Variants in ARHGAP29 observed in about 807,000 individuals in gnomAD.
ARHGAP29 encodes rho GTPase-activating protein 29.
Under a neutral mutation model 122.6 loss-of-function variants are expected in ARHGAP29, and 43 were observed. That is an observed-to-expected ratio of 0.35 (90% CI 0.27 to 0.45). The LOEUF is 0.45. ARHGAP29 is among the 20% of genes least tolerant of loss of function. The pLI is 1.00. For synonymous variants in ARHGAP29, 506 were observed against 497.1 expected (o/e 1.02, Z -0.24); for missense variants, 1,303 against 1,477.2 (o/e 0.88, Z 1.93).
chr1:94,168,924 A>C lies in ARHGAP29; in HGVS notation c.*4945T>G, dbSNP rs775469430. 2.6e-5 allele frequency among the ~76,000 whole-genome samples: 4 copies of C among 152,206 alleles called. No homozygotes were observed. The highest frequency in any genetic ancestry group is 5.9e-5 in the Non-Finnish European group (4 of 68,036). ...CAGAAGCATAGCCAATTAGTCGTTT[A>C]ATCTATTTTCTGAACTGCATGCTTA... On this transcript the variant is annotated 3_prime_UTR_variant, in exon 23 of 23. Coordinates refer to ENST00000260526, the MANE Select transcript of ARHGAP29 (RefSeq NM_004815.4).
At chr1:94,276,161 G>A (rs1453821364), upstream of ARHGAP29, among the ~76,000 whole-genome samples, 1 of 152,006 alleles carries the variant, frequency 6.6e-6, no homozygotes, top group Non-Finnish European at 1.5e-5. Context: ...GGGAAGATGA[G>A]GCACGAGAAT....
the ARHGAP29 span, among the ~76,000 whole-genome samples, chr1:94,305,919 T>C: frequency 6.6e-6 from 1 of 152,220 alleles, no homozygotes; most frequent in Non-Finnish European, 1.5e-5. Context: ...TGGCAGCTCT[T>C]GAAAAAGGCA....
chr1:94,207,850 GTTTC>G (rs1334963615), intron 5 of ARHGAP29, among the ~76,000 whole-genome samples: 17 of 149,290 alleles, frequency 1.1e-4, no homozygotes, highest in African/African-American at 3.7e-4. Flanking sequence ...TTTTGTTTTT[GTTTC>G]TTTGTGTTTT....
In ARHGAP29 at chr1:94,188,723, T is replaced by G. The variant is rs562703197; in HGVS notation, c.1681+114A>C. 7.2e-5 allele frequency: 62 copies of G among 858,312 alleles called. No homozygotes were observed. In the East Asian group the frequency reaches 1.6e-3, roughly 22 times the overall value. 53.2% of individuals were successfully genotyped at this position (858,312 alleles called of 1,614,324 possible). A position where few individuals can be genotyped will look rare whatever the true frequency, so the allele number is the denominator to read the frequency against. On this transcript the variant is annotated intron_variant, in intron 15 of 22. Transcript: ENST00000260526. ...AAAAACTATTTTTTAAATTGTACACTTTCCTCTCTATTATGTGTGAAAGTT... is the reference window on the plus strand; with the variant it reads ...AAAAACTATTTTTTAAATTGTACACGTTCCTCTCTATTATGTGTGAAAGTT...
At position 94,250,809 on chromosome 1, in the gene ARHGAP29, G is replaced by T. The variant is rs753072402; in HGVS notation, c.-32-19166C>A. Among the ~76,000 whole-genome samples the T allele has an allele frequency of 3.3e-5, 5 of 152,056 alleles. No homozygotes were observed. The South Asian group carries it at 8.3e-4, about 25-fold the overall frequency. ...CGTCCAAATTAAGTTACTACATTTCGAACTCCAATTTTTAATGTGTTTTAA... is the reference window on the plus strand; with the variant it reads ...CGTCCAAATTAAGTTACTACATTTCTAACTCCAATTTTTAATGTGTTTTAA... On this transcript the variant is annotated intron_variant and NMD_transcript_variant, in intron 1 of 25. Transcript: ENST00000552844.
chr1:94,247,678 G>A (rs972083864), intron 1 of ARHGAP29, among the ~76,000 whole-genome samples: 1 of 151,550 alleles, frequency 6.6e-6, no homozygotes, highest in Non-Finnish European at 1.5e-5. Context: ...GCAGACGCCC[G>A]GCCAAGTGGC....
chr1:94,169,877 C>G lies in ARHGAP29; in HGVS notation c.*3992G>C, dbSNP rs145622174. Reference sequence around the variant, plus strand: ...TTGAAGAGACTCCCAAAAACCAAATCGGGGAAAATTTCAGCATGAAAATAA... The same window carrying G: ...TTGAAGAGACTCCCAAAAACCAAATGGGGGAAAATTTCAGCATGAAAATAA... On this transcript the variant is annotated 3_prime_UTR_variant, in exon 23 of 23. Transcript: ENST00000260526. Among the ~76,000 whole-genome samples the G allele has an allele frequency of 6.6e-6, 1 of 152,044 alleles. No homozygotes were observed. Among genetic ancestry groups the G allele is most frequent in the Non-Finnish European group, 1.5e-5 (1 of 68,000 alleles).
At chr1:94,195,343 CAGT>C (rs1446249219) in intron 12 of ARHGAP29, 1 of 152,200 alleles carries the variant, frequency 6.6e-6, no homozygotes, top group African/African-American at 2.4e-5. Flanking sequence ...CAGTTTATGA[CAGT>C]GGTGCCAGGG....
intron 2 of ARHGAP29, among the ~76,000 whole-genome samples, chr1:94,225,801 A>G (rs773508211): frequency 6.6e-6 from 1 of 152,074 alleles, no homozygotes; most frequent in South Asian, 2.1e-4. Flanking sequence ...ATGTGAATAT[A>G]ATAAAATTCA....
intron 1 of ARHGAP29, among the ~76,000 whole-genome samples, chr1:94,258,295 C>T (rs1654437014): frequency 6.6e-6 from 1 of 152,206 alleles, no homozygotes; most frequent in African/African-American, 2.4e-5. Flanking sequence ...CATAGGAGAA[C>T]TTATGCTCAG....
At chr1:94,250,510 T>C (rs575733232) in intron 1 of ARHGAP29, 12 of 152,242 alleles carry the variant, frequency 7.9e-5, no homozygotes, top group Admixed American at 3.3e-4. Context: ...TGCTGGGGCA[T>C]GTAAAAGGAA....
At chr1:94,219,014 G>C (rs1299627663) in intron 3 of ARHGAP29, among the ~76,000 whole-genome samples, 2 of 151,928 alleles carry the variant, frequency 1.3e-5, no homozygotes, top group African/African-American at 4.8e-5. Context: ...TTCGACTCAG[G>C]ACCGGCAATC....
At chr1:94,263,378 C>T (rs1054029378) in intron 1 of ARHGAP29, among the ~76,000 whole-genome samples, 28 of 140,190 alleles carry the variant, frequency 2.0e-4, no homozygotes, top group Admixed American at 1.5e-3. Flanking sequence ...TGCACATGTA[C>T]TCCTGAACTT....
rs1309060831 is a variant in ARHGAP29, at chr1:94,220,325, A to G, written c.273T>C (p.Asn91=). 6.2e-7 allele frequency: 1 copy of G among 1,613,388 alleles called. No individual in the cohort carries two copies. The highest frequency in any genetic ancestry group is 2.2e-5 in the East Asian group (1 of 44,808). Reference sequence around the variant, plus strand: ...CAACAGAATTGAGGTTCTGATGTTTATTCATTATAGACTTTAAAACACGGA... The same window carrying G: ...CAACAGAATTGAGGTTCTGATGTTTGTTCATTATAGACTTTAAAACACGGA... ...ELLRVLKSIM[N]KHQNLNSVDL... The change falls in exon 3 of 23, where the codon AAT becomes AAC. Residue 91 remains asparagine, a synonymous_variant. Transcript: ENST00000260526.
Position 94,220,254 on chromosome 1 carries a change from T to C in ARHGAP29, c.340+4A>G. On this transcript the variant is annotated splice_donor_region_variant and intron_variant, in intron 3 of 22. Transcript: ENST00000260526. Reference sequence around the variant, plus strand: ...GCAACCCACTTTTACTATATCTTCCTTACCTTTCACTTTTGCAGTGAGCAT... The same window carrying C: ...GCAACCCACTTTTACTATATCTTCCCTACCTTTCACTTTTGCAGTGAGCAT... The C allele has an allele frequency of 6.2e-7, 1 of 1,613,148 alleles. No individual in the cohort carries two copies.
At chr1:94,314,388 C>A in the ARHGAP29 span, among the ~76,000 whole-genome samples, 1 of 152,198 alleles carries the variant, frequency 6.6e-6, no homozygotes, top group African/African-American at 2.4e-5. Flanking sequence ...TTGGGGTTAA[C>A]TGAACCCAAG....
At chr1:94,313,919 G>C in the ARHGAP29 span, among the ~76,000 whole-genome samples, 1 of 152,138 alleles carries the variant, frequency 6.6e-6, no homozygotes, top group East Asian at 1.9e-4. Flanking sequence ...GGTGGGACTT[G>C]AACAATGAGA....
the ARHGAP29 span, among the ~76,000 whole-genome samples, chr1:94,314,397 A>G: frequency 3.0e-3 from 464 of 152,328 alleles, 1 homozygote; most frequent in Non-Finnish European, 5.1e-3. Context: ...ACTGAACCCA[A>G]GACTCCATGA....
chr1:94,231,809 T>C (rs1652933796), intron 1 of ARHGAP29, among the ~76,000 whole-genome samples, 166 bp from the exon 2 acceptor site: 1 of 152,152 alleles, frequency 6.6e-6, no homozygotes, highest in Non-Finnish European at 1.5e-5. Context: ...AATCAATCAC[T>C]GTATTATTGA....
Sources: allele counts gnomAD v4.1 joint callset (sites outside exome capture counted in the v4.1 genomes callset), GRCh38; gene constraint gnomAD v4.1.1; transcripts MANE v1.5; gene names NCBI Gene and HGNC (gene_info 2026-07-23, HGNC 2026-07-21).